The following RNGTT variants were observed in gnomAD, a reference collection of about 807,000 sequenced individuals.
RNGTT encodes the protein RNA guanylyltransferase and 5'-phosphatase, also known as mRNA-capping enzyme.
In RNGTT, 33 loss-of-function variants were observed where a neutral mutation model predicts 79.3. The ratio of observed to expected loss-of-function variants is 0.42; its 90% CI spans 0.32 to 0.56. RNGTT has a LOEUF of 0.56. RNGTT is among the 20% of genes least tolerant of loss of function. The pLI is 0.17. For synonymous variants in RNGTT, 222 were observed against 235.9 expected, an observed-to-expected ratio of 0.94 and a Z score of 0.54; for missense variants, 497 against 739.1, an observed-to-expected ratio of 0.67 and a Z score of 3.80.
intron 11 of RNGTT, among the ~76,000 whole-genome samples, chr6:88,832,765 G>A (rs1780918674): frequency 1.3e-5 from 2 of 152,088 alleles, no homozygotes; most frequent in South Asian, 4.2e-4. Flanking sequence ...GTGGGCAAAG[G>A]ATATGAACAG....
chr6:88,941,687 G>A (rs556973924), intron 1 of RNGTT, among the ~76,000 whole-genome samples: 4 of 146,008 alleles, frequency 2.7e-5, no homozygotes, highest in South Asian at 2.1e-4. Flanking sequence ...TTTTTGAGAC[G>A]GAGTCTCGCT....
intron 13 of RNGTT, among the ~76,000 whole-genome samples, chr6:88,691,489 A>G (rs751608509): frequency 3.9e-5 from 6 of 152,228 alleles, no homozygotes; most frequent in Non-Finnish European, 8.8e-5. Context: ...ACGCAACAGC[A>G]AACACTAATT....
At chr6:88,856,067 C>A (rs1224957348) in intron 8 of RNGTT, among the ~76,000 whole-genome samples, 4 of 152,118 alleles carry the variant, frequency 2.6e-5, no homozygotes, top group Non-Finnish European at 5.9e-5. Flanking sequence ...AGTTAGGAAA[C>A]CACTGTATCT....
At chr6:88,658,961 C>T (rs1582290335) in intron 14 of RNGTT, among the ~76,000 whole-genome samples, 1 of 152,230 alleles carries the variant, frequency 6.6e-6, no homozygotes, top group Admixed American at 6.5e-5. Flanking sequence ...AGACTGGCTT[C>T]CTGGTTCCTC....
chr6:88,950,385 A>T (rs1156772896), intron 1 of RNGTT, among the ~76,000 whole-genome samples: 1 of 152,162 alleles, frequency 6.6e-6, no homozygotes, highest in Non-Finnish European at 1.5e-5. Flanking sequence ...TGGGTTCCCT[A>T]AAAAAGGTCT....
intron 12 of RNGTT, among the ~76,000 whole-genome samples, chr6:88,794,250 T>A (rs959700167): frequency 2.6e-5 from 4 of 152,200 alleles, no homozygotes; most frequent in Non-Finnish European, 4.4e-5. Flanking sequence ...TAGGGAAGAA[T>A]GGTGTTTGGA....
intron 1 of RNGTT, among the ~76,000 whole-genome samples, chr6:88,959,816 C>T (rs1352102528): frequency 6.6e-6 from 1 of 152,102 alleles, no homozygotes; most frequent in Non-Finnish European, 1.5e-5. Context: ...GATACCTTAT[C>T]ACACCCTACT....
rs1429250182 is a variant in RNGTT, at chr6:88,611,784, T to C, written c.*935A>G. ...CAAAGAAGTTAGCTGGCATTCCCTT[T>C]GCTGTTTTGTTCGAGAGAAGGAACA... On this transcript the variant is annotated 3_prime_UTR_variant, in exon 16 of 16. Transcript: ENST00000369485. 6.5e-6 allele frequency: 1 copy of C among 152,680 alleles called. No homozygotes were observed. The highest frequency in any genetic ancestry group is 1.5e-5 in the Non-Finnish European group (1 of 68,048). 9.5% of individuals were successfully genotyped at this position (152,680 alleles called of 1,614,324 possible).
Position 88,681,564 on chromosome 6 carries a change from T to C in RNGTT, c.1440-3145A>G, listed in dbSNP as rs888210116. Among the ~76,000 whole-genome samples the C allele has an allele frequency of 6.6e-5, 10 of 152,300 alleles. 1 individual carries two copies. The highest frequency in any genetic ancestry group is 4.6e-4 in the Admixed American group (7 of 15,298). On this transcript the variant is annotated intron_variant, in intron 13 of 15. Coordinates refer to ENST00000369485, the MANE Select transcript of RNGTT (RefSeq NM_003800.5). Reference sequence around the variant, plus strand: ...TTTTAAAATGGATTTCTTTAAATACTTTTAACTTTCAAAAATTATTTTAAC... The same window carrying C: ...TTTTAAAATGGATTTCTTTAAATACCTTTAACTTTCAAAAATTATTTTAAC...
intron 13 of RNGTT, among the ~76,000 whole-genome samples, chr6:88,681,749 C>T (rs1775102791): frequency 6.6e-6 from 1 of 152,140 alleles, no homozygotes; most frequent in Non-Finnish European, 1.5e-5. Flanking sequence ...GAAACCCTGA[C>T]TCACTTGGTA....
chr6:88,781,087 G>A lies in RNGTT; in HGVS notation c.1339-11213C>T, dbSNP rs564407809. ...AATTCTAGCCCAAAATGTCAATGGT[G>A]CCAAGGCTGAGAAAACCTGATGTAA... On this transcript the variant is annotated intron_variant, in intron 12 of 15. Coordinates refer to ENST00000369485, the MANE Select transcript of RNGTT (RefSeq NM_003800.5). 2.5e-4 allele frequency among the ~76,000 whole-genome samples: 38 copies of A among 152,280 alleles called. 1 individual carries two copies. The highest frequency in any genetic ancestry group is 9.1e-4 in the African/African-American group (38 of 41,556).
chr6:88,677,148 A>G (rs1057261665), intron 14 of RNGTT, among the ~76,000 whole-genome samples: 1 of 152,232 alleles, frequency 6.6e-6, no homozygotes, highest in Non-Finnish European at 1.5e-5. Context: ...GAATCTCAAA[A>G]TAATTATGCT....
intron 8 of RNGTT, among the ~76,000 whole-genome samples, chr6:88,857,343 A>C (rs1219250342): frequency 4.6e-5 from 7 of 152,050 alleles, no homozygotes; most frequent in Non-Finnish European, 8.8e-5. Flanking sequence ...ACCAATTTAG[A>C]CCCAACTCTG....
At chr6:88,923,725 T>C (rs1324371597) in intron 4 of RNGTT, among the ~76,000 whole-genome samples, 3 of 152,132 alleles carry the variant, frequency 2.0e-5, no homozygotes, top group Non-Finnish European at 2.9e-5. Context: ...TTACGATCCC[T>C]TTTCCTCATA....
intron 13 of RNGTT, among the ~76,000 whole-genome samples, chr6:88,730,628 G>A (rs575924900): frequency 6.6e-6 from 1 of 152,246 alleles, no homozygotes; most frequent in Non-Finnish European, 1.5e-5. Context: ...GAGCTCAGGC[G>A]GTAATGCTCA....
chr6:88,772,561 G>A (rs561214550), intron 12 of RNGTT, among the ~76,000 whole-genome samples: 68 of 150,458 alleles, frequency 4.5e-4, no homozygotes, highest in African/African-American at 1.4e-3. Flanking sequence ...GAAAATTTTC[G>A]CAACCTATTC....
chr6:88,944,275 G>A (rs1784939648), intron 1 of RNGTT, among the ~76,000 whole-genome samples: 1 of 152,160 alleles, frequency 6.6e-6, no homozygotes, highest in Non-Finnish European at 1.5e-5. Flanking sequence ...CAAAGCAAGA[G>A]CGATTAAGTA....
At chr6:88,641,540 T>G (rs1244991971) in intron 14 of RNGTT, among the ~76,000 whole-genome samples, 1 of 152,098 alleles carries the variant, frequency 6.6e-6, no homozygotes, top group Non-Finnish European at 1.5e-5. Flanking sequence ...AAGTGAAAAT[T>G]CCAGTAAAGC....
intron 13 of RNGTT, among the ~76,000 whole-genome samples, chr6:88,708,620 C>A (rs1215137560): frequency 1.3e-5 from 2 of 152,142 alleles, no homozygotes; most frequent in African/African-American, 2.4e-5. Context: ...AATCTGTCAC[C>A]ACGCTGGCCT....
Sources: allele counts gnomAD v4.1 joint callset (sites outside exome capture counted in the v4.1 genomes callset), GRCh38; gene constraint gnomAD v4.1.1; transcripts MANE v1.5; gene names NCBI Gene and HGNC (gene_info 2026-07-23, HGNC 2026-07-21).